PDE1A: variants seen among roughly 807,000 people sequenced by gnomAD.
PDE1A encodes phosphodiesterase 1A.
PDE1A carries 35 observed loss-of-function variants against 61.7 expected under a neutral mutation model. The ratio of observed to expected loss-of-function variants is 0.57; its 90% CI spans 0.43 to 0.75. The LOEUF is 0.75. PDE1A is among the 30% of genes least tolerant of loss of function. The pLI is 0.00. For missense variants in PDE1A, 597 were observed against 630.6 expected (o/e 0.95, Z 0.57); for synonymous variants, 232 against 213.2 (o/e 1.09, Z -0.77).
chr2:182,477,820 T>C (rs957309763), intron 2 of PDE1A, among the ~76,000 whole-genome samples: 1 of 151,986 alleles, frequency 6.6e-6, no homozygotes, highest in African/African-American at 2.4e-5. Flanking sequence ...AGCCCTTTCA[T>C]GCTTTTGACA....
At chr2:182,702,701 T>C in the PDE1A span, among the ~76,000 whole-genome samples, 7 of 152,216 alleles carry the variant, frequency 4.6e-5, no homozygotes, top group African/African-American at 1.7e-4. Context: ...TAAAAGCTAT[T>C]TTCTAATTAT....
chr2:182,250,735 A>C (rs554886018), intron 2 of PDE1A, among the ~76,000 whole-genome samples: 2 of 152,258 alleles, frequency 1.3e-5, no homozygotes, highest in African/African-American at 4.8e-5. Context: ...CTCAATTCCC[A>C]AAAGGCAAAT....
intron 2 of PDE1A, among the ~76,000 whole-genome samples, chr2:182,248,378 T>TATG (rs1553553059): frequency 6.6e-6 from 1 of 151,846 alleles, no homozygotes; most frequent in South Asian, 2.1e-4. Context: ...TGGTGTTTGA[T>TATG]ACTTTAGTTT....
chr2:182,238,075 T>C (rs931788263), intron 3 of PDE1A, among the ~76,000 whole-genome samples: 2 of 152,018 alleles, frequency 1.3e-5, no homozygotes, highest in East Asian at 1.9e-4. Context: ...AAGACCATTC[T>C]GGCTAACACG....
In PDE1A at chr2:182,202,700, C is replaced by T. The variant is rs193085265; in HGVS notation, c.903-911G>A. ...TCTGTTTAAGCTTTTGGGATCTGAC[C>T]CTCCCTAACATAAAGAGAGCCATTG... On this transcript the variant is annotated intron_variant, in intron 8 of 13. Coordinates refer to ENST00000351439, the Ensembl canonical transcript of PDE1A. Among the ~76,000 whole-genome samples the T allele has an allele frequency of 4.7e-3, 717 of 152,110 alleles. 2 individuals are homozygous for T. Among genetic ancestry groups the T allele is most frequent in the African/African-American group, 0.017 (685 of 41,494 alleles).
chr2:182,632,472 T>C, the PDE1A span, among the ~76,000 whole-genome samples: 1 of 152,072 alleles, frequency 6.6e-6, no homozygotes, highest in Non-Finnish European at 1.5e-5. Context: ...TTTTTTTTCT[T>C]TGTAAGTATG....
chr2:182,381,802 ACT>A (rs1375471077), intron 1 of PDE1A, among the ~76,000 whole-genome samples: 1 of 151,554 alleles, frequency 6.6e-6, no homozygotes, highest in Non-Finnish European at 1.5e-5. Flanking sequence ...ACAGAGCGAG[ACT>A]CTGTCTCAAA....
chr2:182,474,186 G>A (rs1687214080), intron 2 of PDE1A, among the ~76,000 whole-genome samples: 1 of 151,986 alleles, frequency 6.6e-6, no homozygotes, highest in African/African-American at 2.4e-5. Context: ...GTAAAGTGAT[G>A]GGTAACCATG....
intron 6 of PDE1A, among the ~76,000 whole-genome samples, chr2:182,224,756 T>G (rs1689004241): frequency 6.6e-6 from 1 of 151,888 alleles, no homozygotes; most frequent in Admixed American, 6.6e-5. Context: ...TAAAGAAAAT[T>G]AAGTAAAATT....
chr2:182,358,732 C>A (rs1699338113), intron 1 of PDE1A, among the ~76,000 whole-genome samples: 1 of 152,102 alleles, frequency 6.6e-6, no homozygotes, highest in African/African-American at 2.4e-5. Context: ...ATACATAAAT[C>A]CATTTGATTC....
intron 2 of PDE1A, among the ~76,000 whole-genome samples, chr2:182,261,422 G>C (rs1692209245): frequency 6.6e-6 from 1 of 152,164 alleles, no homozygotes; most frequent in Non-Finnish European, 1.5e-5. Flanking sequence ...GCCCTTTGAA[G>C]ATGATACAAA....
chr2:182,212,545 G>A (rs1319412705), intron 7 of PDE1A, among the ~76,000 whole-genome samples: 1 of 152,182 alleles, frequency 6.6e-6, no homozygotes, highest in Non-Finnish European at 1.5e-5. Context: ...GTGGGCACAG[G>A]TCAGTGGGTG....
At chr2:182,198,314 C>A (rs1442598368) in intron 10 of PDE1A, among the ~76,000 whole-genome samples, 1 of 151,828 alleles carries the variant, frequency 6.6e-6, no homozygotes, top group Non-Finnish European at 1.5e-5. Context: ...CATGTTTCTG[C>A]AAATAACAGT....
the PDE1A span, among the ~76,000 whole-genome samples, chr2:182,678,891 T>C: frequency 6.6e-6 from 1 of 152,132 alleles, no homozygotes; most frequent in East Asian, 1.9e-4. Context: ...TTGCACAGTA[T>C]GGTAATTATA....
chr2:182,690,388 T>TA, the PDE1A span, among the ~76,000 whole-genome samples: 4 of 152,164 alleles, frequency 2.6e-5, no homozygotes, highest in Admixed American at 2.0e-4. Context: ...CGCAAATCAA[T>TA]AAACGTAATC....
At chr2:182,243,529 C>A (rs1014775351) in intron 2 of PDE1A, among the ~76,000 whole-genome samples, 8 of 152,060 alleles carry the variant, frequency 5.3e-5, no homozygotes, top group Non-Finnish European at 1.2e-4. Flanking sequence ...GAGAGAGTGA[C>A]CCAAGTTGGG....
intron 2 of PDE1A, among the ~76,000 whole-genome samples, chr2:182,256,454 C>T (rs1167227825): frequency 2.6e-5 from 4 of 152,040 alleles, no homozygotes; most frequent in South Asian, 2.1e-4. Flanking sequence ...GTCAGTGTGG[C>T]GATTCCTCAG....
chr2:182,411,489 A>G (rs781167491), intron 1 of PDE1A, among the ~76,000 whole-genome samples: 2 of 152,112 alleles, frequency 1.3e-5, no homozygotes, highest in Non-Finnish European at 2.9e-5. Flanking sequence ...TTTGATGACA[A>G]TTGGGGTATG....
At chr2:182,710,785 T>C in the PDE1A span, among the ~76,000 whole-genome samples, 3 of 152,240 alleles carry the variant, frequency 2.0e-5, no homozygotes, top group Non-Finnish European at 4.4e-5. Flanking sequence ...TCTTCATACC[T>C]TGGCTCTTGT....
Sources: allele counts gnomAD v4.1 joint callset (sites outside exome capture counted in the v4.1 genomes callset), GRCh38; gene constraint gnomAD v4.1.1; transcripts MANE v1.5; gene names NCBI Gene and HGNC (gene_info 2026-07-23, HGNC 2026-07-21).